The following STAB1 variants were observed in gnomAD, a reference collection of about 807,000 sequenced individuals.
STAB1 encodes the protein stabilin-1.
In STAB1, 250 loss-of-function variants were observed where a neutral mutation model predicts 332.4. That is an observed-to-expected ratio of 0.75 (90% confidence interval 0.68 to 0.84). STAB1 has a LOEUF of 0.84. STAB1 is among the 40% of genes least tolerant of loss of function. STAB1 has a pLI of 0.00. For synonymous variants in STAB1, 1,475 were observed against 1,390.4 expected (o/e 1.06, Z -1.35); for missense variants, 3,249 against 3,489.7 (o/e 0.93, Z 1.74).
intron 44 of STAB1, 75 bp from the exon 45 acceptor site, chr3:52,517,806 C>T (rs2078924708): frequency 6.2e-7 from 1 of 1,601,426 alleles, no homozygotes; most frequent in Non-Finnish European, 8.5e-7. Flanking sequence ...GCCTTCATGG[C>T]CTCTTTCACA....
chr3:52,524,173 A>G lies in STAB1; in HGVS notation c.7616A>G (p.Asn2539Ser). The part of the protein sequence containing the change: ...GTNPTLVSVP[N>S]PVFGSDTFCE... The stretch of plus-strand genomic sequence containing the variant: ...AACCCCACCCTGGTCTCTGTCCCCA[A>G]CCCTGTCTTTGGCAGCGACACCTTT... The change falls in exon 68 of 69, where the codon AAC becomes AGC. Residue 2539 changes from asparagine (N) to serine (S), a missense_variant. By Grantham distance (46) the Asn-to-Ser change is conservative. Transcript: ENST00000321725. 1.2e-6 allele frequency: 2 copies of G among 1,614,002 alleles called. No homozygotes were observed. The highest frequency in any genetic ancestry group is 1.7e-6 in the Non-Finnish European group (2 of 1,180,012).
intron 44 of STAB1, 24 bp downstream of exon 44, chr3:52,517,648 C>T (rs1183768795): frequency 6.2e-7 from 1 of 1,609,444 alleles, no homozygotes; most frequent in Non-Finnish European, 8.5e-7. Flanking sequence ...TCCTGTCCTC[C>T]TTCACTGACG....
At chr3:52,519,128 AC>A in intron 48 of STAB1, 135 bp from the exon 49 acceptor site, 1 of 804,710 alleles carries the variant, frequency 1.2e-6, no homozygotes, top group Admixed American at 2.7e-5. Context: ...GACCCCGCCC[AC>A]CTCGTCCTGG....
rs199512807 is a variant in STAB1, at chr3:52,519,306, G to C, written c.5077G>C (p.Asp1693His). 3.1e-6 allele frequency: 5 copies of C among 1,612,924 alleles called. No individual in the cohort carries two copies. Among genetic ancestry groups the C allele is most frequent in the Non-Finnish European group, 3.4e-6 (4 of 1,180,002 alleles). Residue 1693 changes from aspartate (D) to histidine (H), a missense_variant, in exon 49 of 69, where the codon GAC (aspartate) becomes CAC (histidine). Transcript: ENST00000321725. ...TGACTTCGCGCGCGTGGTGAGCAGC[G>C]ACCATGAGGCCGTGAACGGCATCCT... Reference protein sequence around the residue: ...LNDFARVVSSDHEAVNGILHF... With the variant: ...LNDFARVVSSHHEAVNGILHF...
At chr3:52,509,787 C>A in intron 22 of STAB1, 83 bp from the exon 23 acceptor site, 1 of 1,510,998 alleles carries the variant, frequency 6.6e-7, no homozygotes, top group African/African-American at 1.4e-5. Context: ...GCCCCACTCC[C>A]TATATCCCCC....
chr3:52,502,256 G>A lies in STAB1; in HGVS notation c.487+28G>A, dbSNP rs755432896. 2.6e-5 allele frequency: 41 copies of A among 1,603,770 alleles called. No homozygotes were observed. In the East Asian group the frequency reaches 4.0e-4, roughly 16 times the overall value. ...GAGTGCTTAAAAGGCAAGAGGGCACGGCCAGCGTCCACCTGGGGGCCCACG... is the reference window on the plus strand; with the variant it reads ...GAGTGCTTAAAAGGCAAGAGGGCACAGCCAGCGTCCACCTGGGGGCCCACG... On this transcript the variant is annotated intron_variant, in intron 5 of 68. Coordinates refer to ENST00000321725, the MANE Select transcript of STAB1 (RefSeq NM_015136.3).
chr3:52,519,111 C>T (rs2078982637), intron 48 of STAB1, among the ~76,000 whole-genome samples, 153 bp from the exon 49 acceptor site: 1 of 151,452 alleles, frequency 6.6e-6, no homozygotes. Context: ...GCCCTGACTC[C>T]GCCCCAGACC....
intron 22 of STAB1, 177 bp downstream of exon 22, chr3:52,509,498 C>T (rs1467635238): frequency 1.6e-6 from 1 of 608,812 alleles, no homozygotes; most frequent in Non-Finnish European, 2.9e-6. Flanking sequence ...AAACGAAGCC[C>T]CAGGAGGAGG....
Position 52,516,707 on chromosome 3 carries a change from G to A in STAB1, c.4302G>A (p.Ser1434=), listed in dbSNP as rs199976828. The change falls in exon 41 of 69, where the codon TCG becomes TCA. Residue 1434 remains serine, a synonymous_variant. Transcript: ENST00000321725. ...CCCCTCCCAGCTGCGTGCAGGACTC[G>A]GCCGGAGCCTCCACCTGCGCCTGTG... ...CDPNANCVQD[S]AGASTCACAA... is the part of the protein sequence containing the mutation. 3.1e-5 allele frequency: 50 copies of A among 1,612,224 alleles called. No homozygotes were observed. The highest frequency in any genetic ancestry group is 2.5e-4 in the African/African-American group (19 of 75,016).
chr3:52,520,741 GGCAGA>G, intron 54 of STAB1, 43 bp downstream of exon 54: 1 of 1,612,658 alleles, frequency 6.2e-7, no homozygotes, highest in Non-Finnish European at 8.5e-7. Flanking sequence ...GGTGGGGGCA[GGCAGA>G]GCCCAAGGAC....
Position 52,507,680 on chromosome 3 carries a change from G to A in STAB1, c.2052+5G>A. ...CCCCCCAACAGTGTGAAGCTGGTGA[G>A]CACACCTTGGCCCAGCTCTCAGGGC... On this transcript the variant is annotated splice_donor_5th_base_variant and intron_variant, in intron 19 of 68. Transcript: ENST00000321725. 6.2e-7 allele frequency: 1 copy of A among 1,613,520 alleles called. No homozygotes were observed. Among genetic ancestry groups the A allele is most frequent in the Non-Finnish European group, 8.5e-7 (1 of 1,179,996 alleles).
intron 13 of STAB1, 73 bp from the exon 14 acceptor site, chr3:52,505,246 C>T (rs1708763233): frequency 8.7e-6 from 14 of 1,605,430 alleles, no homozygotes; most frequent in African/African-American, 1.3e-5. Flanking sequence ...AGGGCTGGAG[C>T]GCAGCTTCTC....
rs747180700 is a variant in STAB1 at position 52,505,711 on chromosome 3, C to T, written c.1625C>T (p.Thr542Ile). ...PSILDGPGPF[T>I]VFAPSNEAVD... ...ATCCTGGACGGACCTGGGCCCTTCA[C>T]AGTCTTTGCCCCAAGCAATGAGGCT... The change falls in exon 15 of 69, where the codon ACA becomes ATA. Residue 542 changes from threonine to isoleucine, a missense_variant. Coordinates refer to ENST00000321725, the MANE Select transcript of STAB1 (RefSeq NM_015136.3). 1 of 1,613,900 alleles carries T rather than the reference C, an allele frequency of 6.2e-7. No homozygotes were observed. Among genetic ancestry groups the T allele is most frequent in the Non-Finnish European group, 8.5e-7 (1 of 1,180,038 alleles).
In STAB1 at chr3:52,521,505, G is replaced by A. The variant is rs1653279481; in HGVS notation, c.6053G>A (p.Cys2018Tyr). Residue 2018 changes from cysteine to tyrosine, a missense_variant, in exon 56 of 69, where the codon TGT (cysteine) becomes TAT (tyrosine). Physicochemically the swap from Cys to Tyr is radical, Grantham distance 194 (BLOSUM62 -2). Transcript: ENST00000321725. ...LCAPGAFGPH[C>Y]QACRCTVHGR... ...GCTCCTGGTGCCTTTGGGCCCCATT[G>A]TCAAGGTGGGCCATCCCTGCCTGCC... 6.2e-7 allele frequency: 1 copy of A among 1,613,874 alleles called. No individual in the cohort carries two copies. Among genetic ancestry groups the A allele is most frequent in the African/African-American group, 1.3e-5 (1 of 74,944 alleles).
At chr3:52,518,642 A>G in intron 47 of STAB1, 29 bp downstream of exon 47, 3 of 1,611,018 alleles carry the variant, frequency 1.9e-6, no homozygotes, top group East Asian at 2.2e-5. Flanking sequence ...GAGGCTGGGC[A>G]GGGCTGGGTG....
rs1709106925 is a variant in STAB1 at position 52,509,197 on chromosome 3, G to A, written c.2236-13G>A. On this transcript the variant is annotated splice_polypyrimidine_tract_variant and intron_variant, in intron 21 of 68. Coordinates refer to ENST00000321725, the MANE Select transcript of STAB1 (RefSeq NM_015136.3). Reference sequence around the variant, plus strand: ...TTTCCCATGACTGATCCTGCCTTCTGCTCACTCTCTAGTGCAGTGATGGGA... The same window carrying A: ...TTTCCCATGACTGATCCTGCCTTCTACTCACTCTCTAGTGCAGTGATGGGA... The A allele has an allele frequency of 2.5e-6, 4 of 1,611,106 alleles. No homozygotes were observed.
In STAB1 at chr3:52,521,596, C is replaced by T; in HGVS notation, c.6059C>T (p.Ala2020Val). The change falls in exon 57 of 69, where the codon GCC (alanine) becomes GTC (valine). Residue 2020 changes from alanine (A) to valine (V), a missense_variant and splice_region_variant. Transcript: ENST00000321725. ...APGAFGPHCQ[A>V]CRCTVHGRCD... ...TCTTCCTGCCTGTCCCTCTCCCCAG[C>T]CTGCCGCTGCACTGTGCATGGCCGC... The T allele has an allele frequency of 1.2e-6, 2 of 1,612,918 alleles. No individual in the cohort carries two copies. Among genetic ancestry groups the T allele is most frequent in the Non-Finnish European group, 1.7e-6 (2 of 1,179,782 alleles).
Position 52,523,656 on chromosome 3 carries a change from C to T in STAB1, c.7295C>T (p.Pro2432Leu). The T allele has an allele frequency of 1.2e-6, 2 of 1,612,978 alleles. No homozygotes were observed. Among genetic ancestry groups the T allele is most frequent in the Non-Finnish European group, 1.7e-6 (2 of 1,180,006 alleles). Reference protein sequence around the residue: ...PDNSSWAPVAPGTVVVSRIIV... With the variant: ...PDNSSWAPVALGTVVVSRIIV... ...CTGACTCTGGTCTCCCTGCAGGCCC[C>T]AGGGACAGTTGTGGTTAGCCGTATC... is the stretch of plus-strand genomic sequence containing the variant. Residue 2432 changes from proline (P) to leucine (L), a missense_variant, in exon 66 of 69, where the codon CCA becomes CTA. Transcript: ENST00000321725.
intron 26 of STAB1, 24 bp downstream of exon 26, chr3:52,511,769 C>A (rs752507829): frequency 3.3e-5 from 51 of 1,541,234 alleles, no homozygotes; most frequent in East Asian, 7.2e-5. Context: ...AGGCTCAGAG[C>A]CCTGGGGAAG....
Sources: allele counts gnomAD v4.1 joint callset (sites outside exome capture counted in the v4.1 genomes callset), GRCh38; gene constraint gnomAD v4.1.1; transcripts MANE v1.5; gene names NCBI Gene and HGNC (gene_info 2026-07-23, HGNC 2026-07-21).